ZNF385D: variants seen among roughly 807,000 people sequenced by gnomAD.
The protein encoded by ZNF385D is zinc finger protein 659.
ZNF385D carries 15 observed loss-of-function variants against 35.8 expected under a neutral mutation model. That is an observed-to-expected ratio of 0.42 (90% CI 0.28 to 0.64). The LOEUF is 0.64. Ranked by LOEUF, ZNF385D falls within the 30% of genes least tolerant of loss-of-function variation. The pLI is 0.23. For missense variants in ZNF385D, 474 were observed against 494.6 expected, an observed-to-expected ratio of 0.96 and a Z score of 0.39; for synonymous variants, 212 against 186.8, an observed-to-expected ratio of 1.13 and a Z score of -1.10.
rs550378210 is a variant in ZNF385D, at chr3:21,747,627, G to A, written c.22+3268C>T. Reference sequence around the variant, plus strand: ...AAATGGGGAGACAATTCAAACATACGGTGCTTAGAGCTGGAGACAGTGCAC... The same window carrying A: ...AAATGGGGAGACAATTCAAACATACAGTGCTTAGAGCTGGAGACAGTGCAC... On this transcript the variant is annotated intron_variant, in intron 1 of 7. Coordinates refer to ENST00000281523, the MANE Select transcript of ZNF385D (RefSeq NM_024697.3). Among the ~76,000 whole-genome samples the A allele has an allele frequency of 8.5e-4, 129 of 152,270 alleles. 1 individual carries two copies. Among genetic ancestry groups the A allele is most frequent in the African/African-American group, 2.8e-3 (117 of 41,560 alleles).
chr3:22,170,762 C>G (rs1460065800), intron 2 of ZNF385D, among the ~76,000 whole-genome samples: 1 of 152,052 alleles, frequency 6.6e-6, no homozygotes, highest in Non-Finnish European at 1.5e-5. Flanking sequence ...ATAATCAGAA[C>G]ATTTCAAAAC....
rs1168729541 is a variant in ZNF385D, at chr3:22,348,485, TAAAAA to T, written c.106+23960_106+23964del. Among the ~76,000 whole-genome samples, 9 of 84,876 alleles carry T rather than the reference TAAAAA, an allele frequency of 1.1e-4. 2 individuals are homozygous for T. In the South Asian group the frequency reaches 3.2e-3, roughly 30 times the overall value. 55.7% of individuals were successfully genotyped at this position (84,876 alleles called of 152,430 possible). A position where few individuals can be genotyped will look rare whatever the true frequency, so the allele number is the denominator to read the frequency against. ...CAACATGGAGAAACTCCATCTCTACTAAAAAAAAAAAAAAAAAAAAAATACAAAAT... is the reference window on the plus strand; with the variant it reads ...CAACATGGAGAAACTCCATCTCTACTAAAAAAAAAAAAAAAAATACAAAAT... On this transcript the variant is annotated intron_variant, in intron 2 of 5. Coordinates refer to the ZNF385D transcript ENST00000494108.
At chr3:21,825,833 T>C (rs1460806516) in intron 3 of ZNF385D, among the ~76,000 whole-genome samples, 1 of 152,194 alleles carries the variant, frequency 6.6e-6, no homozygotes, top group African/African-American at 2.4e-5. Context: ...GGAACCAGGC[T>C]AGGCTGTACA....
intron 3 of ZNF385D, among the ~76,000 whole-genome samples, chr3:21,848,061 A>G (rs372118624): frequency 8.5e-5 from 13 of 152,160 alleles, no homozygotes; most frequent in Non-Finnish European, 1.8e-4. Flanking sequence ...AATACCTTAT[A>G]TAAGTGAATT....
intron 3 of ZNF385D, among the ~76,000 whole-genome samples, chr3:22,134,910 G>C (rs1704015662): frequency 6.6e-6 from 1 of 152,124 alleles, no homozygotes; most frequent in Non-Finnish European, 1.5e-5. Context: ...CTCTCATTAG[G>C]TCCAACCTTC....
intron 2 of ZNF385D, among the ~76,000 whole-genome samples, chr3:22,170,802 T>C (rs1437011438): frequency 6.6e-6 from 1 of 152,192 alleles, no homozygotes. Context: ...TTTATGCTTT[T>C]AAATCTTTTA....
Position 22,217,826 on chromosome 3 carries a change from C to G in ZNF385D, c.107-48791G>C, listed in dbSNP as rs77580264. On this transcript the variant is annotated intron_variant, in intron 2 of 5. Coordinates refer to the ZNF385D transcript ENST00000494108. ...ATGGGAGGATTTCTAATGATTTTAC[C>G]TGTACAATATTTCCTGAATTTTTCT... 6.8e-3 allele frequency among the ~76,000 whole-genome samples: 1,034 copies of G among 152,074 alleles called. 6 individuals are homozygous for G. The highest frequency in any genetic ancestry group is 0.023 in the African/African-American group (966 of 41,526).
intron 3 of ZNF385D, among the ~76,000 whole-genome samples, chr3:22,130,785 A>G (rs1489432270): frequency 6.6e-6 from 1 of 152,132 alleles, no homozygotes; most frequent in Non-Finnish European, 1.5e-5. Context: ...ATGATTGCTC[A>G]CCAGATTTTT....
intron 2 of ZNF385D, among the ~76,000 whole-genome samples, chr3:22,291,422 A>C (rs1289804637): frequency 6.6e-6 from 1 of 152,148 alleles, no homozygotes; most frequent in Non-Finnish European, 1.5e-5. Context: ...AAGGTACATT[A>C]ATTAATAGTA....
intron 1 of ZNF385D, among the ~76,000 whole-genome samples, chr3:21,737,850 T>A (rs1005720596): frequency 2.0e-5 from 3 of 152,184 alleles, no homozygotes; most frequent in Non-Finnish European, 4.4e-5. Flanking sequence ...GTTGCTCCAT[T>A]TGGAAGAGTA....
intron 2 of ZNF385D, among the ~76,000 whole-genome samples, chr3:21,619,770 G>A (rs533681654): frequency 2.0e-4 from 31 of 152,250 alleles, no homozygotes; most frequent in African/African-American, 7.5e-4. Flanking sequence ...AATTGCTAAA[G>A]TGATTCGAGG....
At chr3:21,494,566 C>T (rs1029690479) in intron 4 of ZNF385D, among the ~76,000 whole-genome samples, 2 of 152,290 alleles carry the variant, frequency 1.3e-5, no homozygotes, top group East Asian at 1.9e-4. Context: ...CAAAACGCCA[C>T]TCAAACTCTA....
intron 2 of ZNF385D, among the ~76,000 whole-genome samples, chr3:22,273,397 G>A (rs1258714608): frequency 2.6e-5 from 4 of 151,898 alleles, no homozygotes. Context: ...AGTCAGGGGT[G>A]ATTTTAAATA....
chr3:21,523,428 A>G (rs367784773), intron 3 of ZNF385D, among the ~76,000 whole-genome samples: 4 of 152,204 alleles, frequency 2.6e-5, no homozygotes, highest in African/African-American at 9.7e-5. Context: ...TAAATAGTGC[A>G]TAGGAATTAT....
chr3:22,312,992 G>A lies in ZNF385D; in HGVS notation c.106+59458C>T, dbSNP rs552235517. On this transcript the variant is annotated intron_variant, in intron 2 of 5. Coordinates refer to the ZNF385D transcript ENST00000494108. ...GCACTATTCACAATAGCAAAGACTT[G>A]GAACCAACCCAAATGTCCAACGATA... 2.7e-5 allele frequency among the ~76,000 whole-genome samples: 4 copies of A among 150,826 alleles called. No homozygotes were observed. In the East Asian group the frequency reaches 7.8e-4, roughly 29 times the overall value.
intron 3 of ZNF385D, among the ~76,000 whole-genome samples, chr3:22,162,777 A>T (rs1706047215): frequency 6.6e-6 from 1 of 152,188 alleles, no homozygotes; most frequent in South Asian, 2.1e-4. Context: ...TAATCTGTTA[A>T]TTGACCTCTC....
chr3:21,566,900 C>T (rs988051764), intron 2 of ZNF385D, among the ~76,000 whole-genome samples: 4 of 152,080 alleles, frequency 2.6e-5, no homozygotes, highest in East Asian at 1.9e-4. Context: ...TGTATTTTTC[C>T]ATTTCTGTCT....
rs180708282 is a variant in ZNF385D, at chr3:21,696,471, C to T, written c.23-31443G>A. On this transcript the variant is annotated intron_variant, in intron 1 of 7. Coordinates refer to ENST00000281523, the MANE Select transcript of ZNF385D (RefSeq NM_024697.3). ...TCATTGTGTTTTGACAGCACATAAT[C>T]ATTATATACAGTCATGTAGAAGCTG... Among the ~76,000 whole-genome samples, 38 of 152,308 alleles carry T rather than the reference C, an allele frequency of 2.5e-4. 1 individual carries two copies. Among genetic ancestry groups the T allele is most frequent in the Admixed American group, 2.2e-3 (33 of 15,294 alleles).
At chr3:21,727,261 G>A (rs2068805194) in intron 1 of ZNF385D, among the ~76,000 whole-genome samples, 1 of 152,088 alleles carries the variant, frequency 6.6e-6, no homozygotes, top group Non-Finnish European at 1.5e-5. Flanking sequence ...ACATAGGCAT[G>A]GGCAAAGAAT....
Sources: gnomAD v4.1 joint callset for allele counts (sites outside exome capture counted in the v4.1 genomes callset) on GRCh38, gnomAD v4.1.1 for gene constraint, MANE v1.5 for transcripts, NCBI Gene and HGNC (gene_info 2026-07-23, HGNC 2026-07-21) for gene names.